The following ATM variants were observed in gnomAD, a reference collection of about 807,000 sequenced individuals.
ATM encodes the protein serine-protein kinase ATM.
Under a neutral mutation model 387.0 loss-of-function variants are expected in ATM, and 308 were observed. The observed-to-expected ratio is 0.80, with a 90% CI of 0.73 to 0.87. The LOEUF (loss-of-function observed/expected upper bound fraction) is 0.87, where lower values mean the gene tolerates loss of function less well. Ranked by LOEUF, ATM falls within the 40% of genes least tolerant of loss-of-function variation. The pLI is 0.00. For synonymous variants in ATM, 1,156 were observed against 1,187.3 expected, an observed-to-expected ratio of 0.97 and a Z score of 0.54; for missense variants, 3,312 against 3,560.9, an observed-to-expected ratio of 0.93 and a Z score of 1.78.
chr11:108,345,468 C>T (rs1194139006), intron 57 of ATM, among the ~76,000 whole-genome samples: 1 of 152,086 alleles, frequency 6.6e-6, no homozygotes, highest in African/African-American at 2.4e-5. Context: ...TTTATTTCTG[C>T]TTAAGAGTAC....
At chr11:108,297,470 T>C in intron 33 of ATM, 88 bp downstream of exon 33, 2 of 1,145,366 alleles carry the variant, frequency 1.7e-6, no homozygotes, top group Non-Finnish European at 2.6e-6. Context: ...TTACTGTATG[T>C]TTTCTGTTGC....
chr11:108,354,765 C>T (rs2089677490), intron 60 of ATM, 46 bp from the exon 61 acceptor site: 1 of 1,493,178 alleles, frequency 6.7e-7, no homozygotes. Context: ...ACGTTGACAA[C>T]ATTGGTGTGT....
chr11:108,299,903 C>A lies in ATM; in HGVS notation c.5177+18C>A, dbSNP rs2135893816. The stretch of plus-strand genomic sequence containing the variant: ...GAAGATTGGTGAGTATTTATTGATA[C>A]CTTATATGTAATCTCAATATGACAT... On this transcript the variant is annotated intron_variant, in intron 34 of 62. Coordinates refer to ENST00000675843, the MANE Select transcript of ATM (RefSeq NM_000051.4). 1 of 1,600,994 alleles carries A rather than the reference C, an allele frequency of 6.2e-7. No homozygotes were observed. The highest frequency in any genetic ancestry group is 1.1e-5 in the South Asian group (1 of 90,676).
At chr11:108,356,841 A>ACTT (rs1555144847) in intron 61 of ATM, among the ~76,000 whole-genome samples, 1 of 152,148 alleles carries the variant, frequency 6.6e-6, no homozygotes, top group African/African-American at 2.4e-5. Context: ...CATTGTAAGG[A>ACTT]CTTTGGATTT....
chr11:108,287,297 A>G, intron 26 of ATM: 1 of 187,346 alleles, frequency 5.3e-6, no homozygotes, highest in South Asian at 1.4e-4. Context: ...AAAAATTACC[A>G]GGTCATACAA....
intron 1 of ATM, 31 bp from the exon 2 acceptor site, chr11:108,227,564 A>T (rs1321572243): frequency 7.6e-7 from 1 of 1,322,926 alleles, no homozygotes; most frequent in Non-Finnish European, 1.1e-6. Context: ...ATACATATAC[A>T]TATATATACC....
At chr11:108,299,543 C>T (rs945976565) in intron 33 of ATM, 171 bp from the exon 34 acceptor site, 20 of 588,518 alleles carry the variant, frequency 3.4e-5, no homozygotes, top group Non-Finnish European at 5.2e-5. Flanking sequence ...GTGATCCGCC[C>T]GCCTCTGTCT....
At chr11:108,336,967 A>G (rs1281279341) in intron 56 of ATM, among the ~76,000 whole-genome samples, 1 of 152,200 alleles carries the variant, frequency 6.6e-6, no homozygotes, top group Non-Finnish European at 1.5e-5. Context: ...TTCTCCTTCT[A>G]TAAATGTTGT....
At chr11:108,258,897 A>T (rs2080684163) in intron 15 of ATM, 89 bp from the exon 16 acceptor site, 4 of 1,028,596 alleles carry the variant, frequency 3.9e-6, no homozygotes, top group Non-Finnish European at 6.0e-6. Flanking sequence ...ATTTATCTAC[A>T]TTCCATTCAA....
rs554355911 is a variant in ATM, at chr11:108,250,101, G to A, written c.1236-600G>A. The stretch of plus-strand genomic sequence containing the variant: ...AGAGGAATCGTTTGGTGACTAAAGA[G>A]CAAGGATGTACAAGATAACTCAGAA... On this transcript the variant is annotated intron_variant, in intron 9 of 62. Coordinates refer to ENST00000675843, the MANE Select transcript of ATM (RefSeq NM_000051.4). 2.7e-5 allele frequency among the ~76,000 whole-genome samples: 4 copies of A among 150,822 alleles called. No individual in the cohort carries two copies. In the South Asian group the frequency reaches 8.3e-4, roughly 31 times the overall value.
intron 61 of ATM, among the ~76,000 whole-genome samples, chr11:108,361,530 C>A (rs2090755556): frequency 6.6e-6 from 1 of 152,050 alleles, no homozygotes; most frequent in Non-Finnish European, 1.5e-5. Context: ...AGGCATCACA[C>A]TACCTGACTT....
At chr11:108,342,674 T>C (rs780040899) in intron 56 of ATM, among the ~76,000 whole-genome samples, 3 of 152,196 alleles carry the variant, frequency 2.0e-5, no homozygotes, top group Non-Finnish European at 4.4e-5. Context: ...TTCTATACTT[T>C]ATGTATGTTT....
Position 108,329,152 on chromosome 11 carries a change from A to G in ATM, c.7221A>G (p.Ser2407=), listed in dbSNP as rs786201881. 5 of 1,613,990 alleles carry G rather than the reference A, an allele frequency of 3.1e-6. No individual in the cohort carries two copies. Among genetic ancestry groups the G allele is most frequent in the South Asian group, 2.2e-5 (2 of 91,090 alleles). ...AAAGAATTGAAAACTACATGAAATCATCGGAATTTGAAAACAAGCAAGCTC... is the reference window on the plus strand; with the variant it reads ...AAAGAATTGAAAACTACATGAAATCGTCGGAATTTGAAAACAAGCAAGCTC... ...QYQRIENYMK[S]SEFENKQALL... Residue 2407 remains serine (S), a synonymous_variant, in exon 49 of 63, where the codon TCA becomes TCG. Transcript: ENST00000675843.
chr11:108,321,700 T>C (rs1351844534), intron 45 of ATM, among the ~76,000 whole-genome samples: 1 of 152,018 alleles, frequency 6.6e-6, no homozygotes, highest in Non-Finnish European at 1.5e-5. Flanking sequence ...GGAAAATTGC[T>C]TGAACCCAGC....
intron 27 of ATM, 73 bp downstream of exon 27, chr11:108,287,788 T>C: frequency 9.5e-7 from 1 of 1,047,528 alleles, no homozygotes; most frequent in Non-Finnish European, 1.4e-6. Flanking sequence ...GGTTGACACC[T>C]TCAATGTCTA....
rs369940136 is a variant in ATM, at chr11:108,316,062, T to C, written c.6147T>C (p.Tyr2049=). 24 of 1,614,174 alleles carry C rather than the reference T, an allele frequency of 1.5e-5. No homozygotes were observed. The African/African-American group carries it at 2.4e-4, about 16-fold the overall frequency. ...TGTGGGGCAAAGCCCTAGTAACATA[T>C]GACCTCGAAACAGCAATCCCCTCAT... The part of the protein sequence containing the change: ...EAMWGKALVT[Y]DLETAIPSST... Residue 2049 remains tyrosine, a synonymous_variant, in exon 42 of 63, where the codon TAT becomes TAC. Coordinates refer to ENST00000675843, the MANE Select transcript of ATM (RefSeq NM_000051.4).
chr11:108,249,806 A>G (rs1388689908), intron 9 of ATM, among the ~76,000 whole-genome samples: 1 of 152,204 alleles, frequency 6.6e-6, no homozygotes, highest in Non-Finnish European at 1.5e-5. Flanking sequence ...ACTTCTGGGG[A>G]AAAGCATATT....
chr11:108,308,722 A>G (rs1385943354), intron 38 of ATM: 1 of 338,738 alleles, frequency 3.0e-6, no homozygotes, highest in African/African-American at 2.1e-5. Context: ...GTGAAAAATG[A>G]AATGTTTTTA....
At chr11:108,280,960 TTTACA>T (rs755251774) in intron 23 of ATM, 30 bp from the exon 24 acceptor site, 28 of 1,551,884 alleles carry the variant, frequency 1.8e-5, no homozygotes, top group Admixed American at 7.2e-5. Context: ...ACATTTACAT[TTTACA>T]TTACATTTTT....
Sources: allele counts gnomAD v4.1 joint callset (sites outside exome capture counted in the v4.1 genomes callset), GRCh38; gene constraint gnomAD v4.1.1; transcripts MANE v1.5; gene names NCBI Gene and HGNC (gene_info 2026-07-23, HGNC 2026-07-21).